The following NDST4 variants were observed in gnomAD, a reference collection of about 807,000 sequenced individuals.
NDST4 encodes N-heparan sulfate sulfotransferase 4.
Under a neutral mutation model 100.8 loss-of-function variants are expected in NDST4, and 63 were observed. That is an observed-to-expected ratio of 0.62 (90% CI 0.51 to 0.77). The LOEUF (loss-of-function observed/expected upper bound fraction) is 0.77. Ranked by LOEUF, NDST4 falls within the 30% of genes least tolerant of loss-of-function variation. The probability of loss-of-function intolerance (pLI) is 0.00; values close to 1 mark genes in which losing one functional copy is unlikely to be tolerated. For synonymous variants in NDST4, 377 were observed against 361.8 expected (o/e 1.04, Z -0.48); for missense variants, 943 against 1,018.4 (o/e 0.93, Z 1.01).
At chr4:114,935,388 A>T in intron 5 of NDST4, 54 bp from the exon 6 acceptor site, 1 of 1,455,512 alleles carries the variant, frequency 6.9e-7, no homozygotes, top group Non-Finnish European at 9.1e-7. Context: ...TAAGAACTTC[A>T]CCTGTGTCTC....
chr4:114,912,418 A>G (rs1412275962), intron 6 of NDST4, among the ~76,000 whole-genome samples: 4 of 152,120 alleles, frequency 2.6e-5, no homozygotes, highest in African/African-American at 9.7e-5. Flanking sequence ...TGTCAAAACC[A>G]TTCTCCCCAA....
chr4:114,895,523 C>A (rs1050739964), intron 6 of NDST4, among the ~76,000 whole-genome samples: 1 of 152,070 alleles, frequency 6.6e-6, no homozygotes, highest in African/African-American at 2.4e-5. Flanking sequence ...AAGCCCAGGA[C>A]CAGAGGGATT....
intron 6 of NDST4, among the ~76,000 whole-genome samples, chr4:114,932,421 T>C (rs1725534605): frequency 6.6e-6 from 1 of 152,004 alleles, no homozygotes; most frequent in Admixed American, 6.6e-5. Flanking sequence ...AAGCTTTTCT[T>C]CTAAGATTAG....
At chr4:115,084,390 G>A (rs1729366667) in intron 1 of NDST4, among the ~76,000 whole-genome samples, 1 of 152,140 alleles carries the variant, frequency 6.6e-6, no homozygotes, top group Non-Finnish European at 1.5e-5. Context: ...CATATTCTGG[G>A]GAGAAATTCA....
intron 2 of NDST4, among the ~76,000 whole-genome samples, chr4:115,039,127 C>A (rs1013971352): frequency 1.3e-5 from 2 of 151,980 alleles, no homozygotes; most frequent in African/African-American, 4.8e-5. Context: ...CAGTGAAATC[C>A]ACAAAATGAG....
At chr4:115,043,342 C>T (rs1728393990) in intron 2 of NDST4, among the ~76,000 whole-genome samples, 1 of 151,982 alleles carries the variant, frequency 6.6e-6, no homozygotes, top group Admixed American at 6.6e-5. Context: ...TTTAAGTTAT[C>T]ACTAAAATAT....
chr4:114,943,719 G>T (rs1384966479), intron 4 of NDST4, among the ~76,000 whole-genome samples: 2 of 152,114 alleles, frequency 1.3e-5, no homozygotes, highest in African/African-American at 4.8e-5. Context: ...TGGTTGGCTG[G>T]ATTTGAATTT....
chr4:114,991,605 G>T (rs1177186352), intron 2 of NDST4, among the ~76,000 whole-genome samples: 1 of 151,956 alleles, frequency 6.6e-6, no homozygotes, highest in Non-Finnish European at 1.5e-5. Context: ...ATTCACATTT[G>T]CAGGCAATGC....
chr4:114,874,264 G>A (rs544224693), intron 6 of NDST4, among the ~76,000 whole-genome samples: 7 of 152,006 alleles, frequency 4.6e-5, no homozygotes, highest in South Asian at 2.1e-4. Context: ...AAAGATTTTC[G>A]CAGCAGACTG....
At chr4:114,995,531 G>A (rs2126253550) in intron 2 of NDST4, among the ~76,000 whole-genome samples, 1 of 152,080 alleles carries the variant, frequency 6.6e-6, no homozygotes, top group South Asian at 2.1e-4. Context: ...AGACATACAT[G>A]TACAGTCATT....
chr4:114,983,365 G>T (rs1014830124), intron 2 of NDST4, among the ~76,000 whole-genome samples: 1 of 152,188 alleles, frequency 6.6e-6, no homozygotes, highest in Non-Finnish European at 1.5e-5. Context: ...AGTTGCCCAG[G>T]GCCTTGGGAG....
intron 6 of NDST4, among the ~76,000 whole-genome samples, chr4:114,874,970 G>A (rs1724227761): frequency 6.6e-6 from 1 of 152,038 alleles, no homozygotes; most frequent in Non-Finnish European, 1.5e-5. Context: ...GATAAAAATG[G>A]TTTATATATA....
intron 6 of NDST4, among the ~76,000 whole-genome samples, chr4:114,885,291 G>C (rs1724454514): frequency 6.6e-6 from 1 of 152,084 alleles, no homozygotes; most frequent in African/African-American, 2.4e-5. Flanking sequence ...TTGAACATGT[G>C]TCACATGCTG....
intron 2 of NDST4, among the ~76,000 whole-genome samples, chr4:115,055,022 GCATTATCACCCGAGCGCCA>G (rs1475682411): frequency 6.6e-6 from 1 of 152,068 alleles, no homozygotes; most frequent in Non-Finnish European, 1.5e-5. Flanking sequence ...CCCATCACTT[GCATTATCACCCGAGCGCCA>G]CATTCTGCCA....
At chr4:115,080,928 T>G (rs182558396) in intron 1 of NDST4, among the ~76,000 whole-genome samples, 1 of 152,244 alleles carries the variant, frequency 6.6e-6, no homozygotes, top group Admixed American at 6.5e-5. Context: ...AGGAATAAAT[T>G]TAACCAGGAG....
chr4:114,950,736 C>T (rs1725972246), intron 4 of NDST4, among the ~76,000 whole-genome samples: 1 of 152,056 alleles, frequency 6.6e-6, no homozygotes, highest in Non-Finnish European at 1.5e-5. Context: ...TCTCCTCCTG[C>T]TTTCTGCCTC....
chr4:114,966,836 G>T (rs2126239018), intron 4 of NDST4, among the ~76,000 whole-genome samples: 1 of 152,172 alleles, frequency 6.6e-6, no homozygotes, highest in Non-Finnish European at 1.5e-5. Flanking sequence ...AGCATTATCT[G>T]GTCCAGTGCC....
chr4:115,079,178 C>G (rs937177924), intron 1 of NDST4, among the ~76,000 whole-genome samples: 1 of 151,726 alleles, frequency 6.6e-6, no homozygotes, highest in Non-Finnish European at 1.5e-5. Flanking sequence ...GGTGAAACCC[C>G]GTCTCTACTA....
chr4:114,856,441 C>T (rs1723795283), intron 7 of NDST4, among the ~76,000 whole-genome samples: 1 of 151,988 alleles, frequency 6.6e-6, no homozygotes, highest in Admixed American at 6.6e-5. Context: ...CAATTATTTT[C>T]CATTAAGAAT....
Sources: allele counts gnomAD v4.1 joint callset (sites outside exome capture counted in the v4.1 genomes callset), GRCh38; gene constraint gnomAD v4.1.1; transcripts MANE v1.5; gene names NCBI Gene and HGNC (gene_info 2026-07-23, HGNC 2026-07-21).